The following PLAGL2 variants were observed in gnomAD, a reference collection of about 807,000 sequenced individuals.
The protein encoded by PLAGL2 is PLAG1 like zinc finger 2.
In PLAGL2, 7 loss-of-function variants were observed where a neutral mutation model predicts 29.0. The ratio of observed to expected loss-of-function variants is 0.24; its 90% CI spans 0.14 to 0.45. The LOEUF is 0.45. Among genes scored for constraint, PLAGL2 ranks in the 20% least tolerant of loss-of-function variants. The pLI, the probability that PLAGL2 is intolerant of heterozygous loss-of-function variation, is 0.99. For synonymous variants in PLAGL2, 234 were observed against 266.0 expected, an observed-to-expected ratio of 0.88 and a Z score of 1.17; for missense variants, 454 against 648.2, an observed-to-expected ratio of 0.70 and a Z score of 3.25.
At chr20:32,206,035 G>A (rs370162940) in intron 1 of PLAGL2, among the ~76,000 whole-genome samples, 8 of 152,288 alleles carry the variant, frequency 5.3e-5, no homozygotes, top group South Asian at 4.1e-4. Flanking sequence ...AACACCTGCC[G>A]GAGGAAATAG....
intron 2 of PLAGL2, among the ~76,000 whole-genome samples, chr20:32,201,705 G>C (rs553546515): frequency 2.5e-4 from 38 of 152,316 alleles, no homozygotes; most frequent in African/African-American, 8.7e-4. Flanking sequence ...CCAATACTTT[G>C]GGGAGGCAAC....
In PLAGL2 at chr20:32,197,910, GA is replaced by G. The variant is rs1209059566; in HGVS notation, c.261-229del. Reference sequence around the variant, plus strand: ...TTGCTTGTAGTAGCAAAAAAAATCAGAAACAATCTGAACGTCCAATCTATCA... The same window carrying G: ...TTGCTTGTAGTAGCAAAAAAAATCAGAACAATCTGAACGTCCAATCTATCA... On this transcript the variant is annotated intron_variant, in intron 2 of 2. Transcript: ENST00000246229. The surrounding 1 kb of genome is among the most constrained non-coding windows in gnomAD (Gnocchi z 6.6). Among the ~76,000 whole-genome samples the G allele has an allele frequency of 6.6e-6, 1 of 152,166 alleles. No individual in the cohort carries two copies. Among genetic ancestry groups the G allele is most frequent in the Non-Finnish European group, 1.5e-5 (1 of 68,038 alleles).
Position 32,202,040 on chromosome 20 carries a change from T to A in PLAGL2, c.139A>T (p.Thr47Ser). Reference protein sequence around the residue: ...QVKCQCEISGTPFSNGEKLRP... With the variant: ...QVKCQCEISGSPFSNGEKLRP... ...AGCTTCTCCCCATTTGAGAAAGGTG[T>A]TCCCGAAATTTCACATTGGCACTTC... Residue 47 changes from threonine to serine, a missense_variant, in exon 2 of 3, where the codon ACA becomes TCA. By Grantham distance (58) the Thr-to-Ser change is moderately conservative. Coordinates refer to ENST00000246229, the MANE Select transcript of PLAGL2 (RefSeq NM_002657.3). The A allele has an allele frequency of 6.2e-7, 1 of 1,614,210 alleles. No homozygotes were observed. Among genetic ancestry groups the A allele is most frequent in the Non-Finnish European group, 8.5e-7 (1 of 1,180,034 alleles).
Position 32,192,793 on chromosome 20 carries a change from GGAGGGAGAAGCAT to G in PLAGL2, c.*3646_*3658del, listed in dbSNP as rs2047207519. On this transcript the variant is annotated 3_prime_UTR_variant, in exon 3 of 3. Transcript: ENST00000246229. ...GCTCCAAAGCCTTGACCGCTGGTAGGGAGGGAGAAGCATGAGAAGTGGTGTCTCAGGAGTTCTA... is the reference window on the plus strand; with the variant it reads ...GCTCCAAAGCCTTGACCGCTGGTAGGGAGAAGTGGTGTCTCAGGAGTTCTA... The G allele has an allele frequency of 6.6e-6, 1 of 152,614 alleles. No homozygotes were observed. Among genetic ancestry groups the G allele is most frequent in the African/African-American group, 2.4e-5 (1 of 41,442 alleles). 9.5% of individuals were successfully genotyped at this position (152,614 alleles called of 1,614,324 possible). A position where few individuals can be genotyped will look rare whatever the true frequency, so the allele number is the denominator to read the frequency against.
intron 1 of PLAGL2, among the ~76,000 whole-genome samples, chr20:32,202,717 C>A (rs1247951951): frequency 6.6e-6 from 1 of 152,200 alleles, no homozygotes; most frequent in African/African-American, 2.4e-5. Context: ...CTGGCACCTC[C>A]TCGTCCACTA....
Position 32,202,140 on chromosome 20 carries a change from T to C in PLAGL2, c.39A>G (p.Gln13=), listed in dbSNP as rs759897671. ...CCACTTCCTCCTCCTGCTTTGCATC[T>C]TGAATCCAGGGGGGGACGCTGGTGA... ...TFFTSVPPWI[Q]DAKQEEEVGW... The change falls in exon 2 of 3, where the codon CAA becomes CAG. Residue 13 remains glutamine, a synonymous_variant. Coordinates refer to ENST00000246229, the MANE Select transcript of PLAGL2 (RefSeq NM_002657.3). 3.7e-6 allele frequency: 6 copies of C among 1,614,102 alleles called. No homozygotes were observed. The African/African-American group carries it at 8.0e-5, about 22-fold the overall frequency.
At chr20:32,203,002 C>G (rs2047267437) in intron 1 of PLAGL2, among the ~76,000 whole-genome samples, 1 of 152,206 alleles carries the variant, frequency 6.6e-6, no homozygotes, top group African/African-American at 2.4e-5. Flanking sequence ...CAGACCATCC[C>G]TCTTTAGCAA....
chr20:32,206,296 A>T (rs2047286954), intron 1 of PLAGL2, among the ~76,000 whole-genome samples: 1 of 152,142 alleles, frequency 6.6e-6, no homozygotes, highest in South Asian at 2.1e-4. Flanking sequence ...ATTAAATTAC[A>T]GGGAGGCTGG....
chr20:32,196,565 A>G lies in PLAGL2; in HGVS notation c.1378T>C (p.Ser460Pro), dbSNP rs1305039327. The change falls in exon 3 of 3, where the codon TCC (serine) becomes CCC (proline). Residue 460 changes from serine to proline, a missense_variant. Around this residue, in one of 4 missense-constraint regions of PLAGL2, gnomAD observed 247 missense variants for 350.3 expected, o/e 0.71. Transcript: ENST00000246229. ...TTCAGTGGTCCCCCAGCTCCTGGGG[A>G]ATCTTGAGGCTGAGCTTGCAAAGTG... The part of the protein sequence containing the change: ...LTTLQAQPQD[S>P]PGAGGPLNFG... The G allele has an allele frequency of 1.2e-5, 19 of 1,544,148 alleles. No homozygotes were observed. The East Asian group carries it at 3.6e-4, about 29-fold the overall frequency.
intron 1 of PLAGL2, among the ~76,000 whole-genome samples, chr20:32,206,577 G>A (rs1222536006): frequency 6.6e-6 from 1 of 152,168 alleles, no homozygotes; most frequent in Non-Finnish European, 1.5e-5. Flanking sequence ...AGGAGAGAAA[G>A]GTTAGAAACC....
intron 1 of PLAGL2, among the ~76,000 whole-genome samples, chr20:32,207,319 C>T (rs550819762): frequency 5.8e-4 from 88 of 152,206 alleles, no homozygotes; most frequent in Admixed American, 1.4e-3. Flanking sequence ...TCAGCAGCGC[C>T]TTATCTGGGT....
Position 32,193,624 on chromosome 20 carries a change from T to C in PLAGL2, c.*2828A>G, listed in dbSNP as rs1165316634. 1 of 152,290 alleles carries C rather than the reference T, an allele frequency of 6.6e-6. No homozygotes were observed. The highest frequency in any genetic ancestry group is 2.4e-5 in the African/African-American group (1 of 41,436). 9.4% of individuals were successfully genotyped at this position (152,290 alleles called of 1,614,324 possible). On this transcript the variant is annotated 3_prime_UTR_variant, in exon 3 of 3. Transcript: ENST00000246229. ...ATCACTTTTTTTCCTGGTCCCTCAT[T>C]GGTCTTTGTCATATGCCATGGCTCC...
chr20:32,197,069 T>G lies in PLAGL2; in HGVS notation c.874A>C (p.Met292Leu). 1 of 1,614,172 alleles carries G rather than the reference T, an allele frequency of 6.2e-7. No individual in the cohort carries two copies. Among genetic ancestry groups the G allele is most frequent in the African/African-American group, 1.3e-5 (1 of 75,046 alleles). Residue 292 changes from methionine (M) to leucine (L), a missense_variant, in exon 3 of 3, where the codon ATG (methionine) becomes CTG (leucine). Physicochemically the swap from Met to Leu is conservative, Grantham distance 15. This residue lies in a region of PLAGL2 where 247 missense variants were observed against 350.3 expected (regional missense o/e 0.71). Transcript: ENST00000246229. The surrounding 1 kb of genome is among the most constrained non-coding windows in gnomAD (Gnocchi z 6.6). The stretch of plus-strand genomic sequence containing the variant: ...GCACCATACATGCCCATGGGCAACA[T>G]GCCAGGGAAGGCCTTGGTCCCCATT... ...DVMGTKAFPG[M>L]LPMGMYGAHI...
intron 1 of PLAGL2, among the ~76,000 whole-genome samples, chr20:32,205,681 A>C (rs772874053): frequency 3.3e-5 from 5 of 152,178 alleles, no homozygotes; most frequent in Non-Finnish European, 5.9e-5. Flanking sequence ...TAAAGCTAAA[A>C]ATACTTACCT....
intron 2 of PLAGL2, among the ~76,000 whole-genome samples, chr20:32,199,129 C>G (rs1246272284): frequency 6.6e-6 from 1 of 152,162 alleles, no homozygotes; most frequent in African/African-American, 2.4e-5. Flanking sequence ...AAAAAGGCAG[C>G]CCCCTCACCC....
In PLAGL2 at chr20:32,195,397, G is replaced by GTTCA. The variant is rs2122528955; in HGVS notation, c.*1051_*1054dup. On this transcript the variant is annotated 3_prime_UTR_variant, in exon 3 of 3. Coordinates refer to ENST00000246229, the MANE Select transcript of PLAGL2 (RefSeq NM_002657.3). ...AAGACTAATAACAACAGCTCATGAT[G>GTTCA]TTCAAGGTGGGGACTAGGGGATGGG... The GTTCA allele has an allele frequency of 6.5e-6, 1 of 152,800 alleles. No individual in the cohort carries two copies. Among genetic ancestry groups the GTTCA allele is most frequent in the South Asian group, 2.1e-4 (1 of 4,826 alleles). The allele number at this position is 152,800 out of a possible 1,614,324, so 9.5% of individuals were successfully genotyped here.
intron 2 of PLAGL2, among the ~76,000 whole-genome samples, chr20:32,200,826 T>A (rs1279546776): frequency 2.0e-5 from 3 of 150,592 alleles, no homozygotes; most frequent in Non-Finnish European, 3.0e-5. Flanking sequence ...ACTCCTGGCC[T>A]CAAGTGATCC....
intron 1 of PLAGL2, among the ~76,000 whole-genome samples, chr20:32,203,092 C>G (rs549775262): frequency 6.6e-6 from 1 of 152,164 alleles, no homozygotes; most frequent in Non-Finnish European, 1.5e-5. Context: ...CTTTAGAAGA[C>G]GGTAGCGAGC....
chr20:32,198,276 A>G (rs1600374628), intron 2 of PLAGL2, among the ~76,000 whole-genome samples: 1 of 151,880 alleles, frequency 6.6e-6, no homozygotes, highest in Admixed American at 6.6e-5. Context: ...GAATTACGTG[A>G]AAGTATTTCA....
Sources: gnomAD v4.1 joint callset for allele counts (sites outside exome capture counted in the v4.1 genomes callset) on GRCh38, gnomAD v4.1.1 for gene constraint, gnomAD v4.1.1 regional missense constraint, Gnocchi (gnomAD v3.1) non-coding constraint, MANE v1.5 for transcripts, NCBI Gene and HGNC (gene_info 2026-07-23, HGNC 2026-07-21) for gene names.